Variants in GAREM2 observed in about 807,000 individuals in gnomAD.
The protein encoded by GAREM2 is GRB2 associated regulator of MAPK1 subtype 2, also known as GRB2-associated and regulator of MAPK protein 2.
Under a neutral mutation model 55.6 loss-of-function variants are expected in GAREM2, and 30 were observed. The ratio of observed to expected loss-of-function variants is 0.54; its 90% CI spans 0.40 to 0.73. The LOEUF is 0.73. Among genes scored for constraint, GAREM2 ranks in the 30% least tolerant of loss-of-function variants. GAREM2 has a pLI of 0.00. For missense variants in GAREM2, 1,075 were observed against 1,257.7 expected, an observed-to-expected ratio of 0.85 and a Z score of 2.20; for synonymous variants, 550 against 569.1, an observed-to-expected ratio of 0.97 and a Z score of 0.48.
downstream of GAREM2, chr2:26,191,061 C>G: frequency 1.5e-6 from 1 of 662,402 alleles, no homozygotes; most frequent in Non-Finnish European, 2.7e-6. Context: ...GAAGTGCAAA[C>G]TAATTCGAAG....
Position 26,187,651 on chromosome 2 carries a change from G to T in GAREM2, c.2019G>T (p.Gln673His). The T allele has an allele frequency of 6.5e-7, 1 of 1,540,956 alleles. No homozygotes were observed. ...CCCCAGGCCCAGCCTCGCCAGGCCA[G>T]GCCTATTCAGCTGCTCCCCCCTCCT... ...AYSPGPASPG[Q>H]AYSAAPPSSC... is the part of the protein sequence containing the mutation. Residue 673 changes from glutamine (Q) to histidine (H), a missense_variant, in exon 6 of 6, where the codon CAG (glutamine) becomes CAT (histidine). Gln to His is a conservative substitution (Grantham distance 24, BLOSUM62 0). Coordinates refer to ENST00000401533, the MANE Select transcript of GAREM2 (RefSeq NM_001168241.2).
chr2:26,182,571 G>A, intron 2 of GAREM2: 1 of 1,375,552 alleles, frequency 7.3e-7, no homozygotes. Flanking sequence ...ACTTGTCACG[G>A]CAAGTCAGAG....
In GAREM2 at chr2:26,188,409, A is replaced by G; in HGVS notation, c.*152A>G. ...GTGGATCCAGGGGAGATGCATGTGG[A>G]AATGTGGTCCTCTGGGGTCAGACCC... On this transcript the variant is annotated 3_prime_UTR_variant, in exon 6 of 6. Transcript: ENST00000401533. 1.8e-6 allele frequency: 1 copy of G among 554,310 alleles called. No individual in the cohort carries two copies. Among genetic ancestry groups the G allele is most frequent in the Non-Finnish European group, 3.0e-6 (1 of 335,116 alleles). The allele number at this position is 554,310 out of a possible 1,614,324, so 34.3% of individuals were successfully genotyped here. A position where few individuals can be genotyped will look rare whatever the true frequency, so the allele number is the denominator to read the frequency against.
At position 26,188,048 on chromosome 2, in the gene GAREM2, CT is replaced by C; in HGVS notation, c.2417del (p.Leu806ArgfsTer23). On this transcript the variant is annotated frameshift_variant, in exon 6 of 6. Coordinates refer to ENST00000401533, the MANE Select transcript of GAREM2 (RefSeq NM_001168241.2). LOFTEE classifies it high-confidence loss of function. Reference sequence around the variant, plus strand: ...CTCCTCCTGGCAGCCCCCTGCTGACCTGTCTGCACTCTCCCTGGAGGAGGTC... The same window carrying C: ...CTCCTCCTGGCAGCCCCCTGCTGACCGTCTGCACTCTCCCTGGAGGAGGTC... ...DASSWQPPAD[L>X]SALSLEEVSR... is the part of the protein sequence containing the mutation. 1 of 1,522,058 alleles carries C rather than the reference CT, an allele frequency of 6.6e-7. No individual in the cohort carries two copies. The highest frequency in any genetic ancestry group is 1.2e-5 in the South Asian group (1 of 80,504). The allele number at this position is 1,522,058 out of a possible 1,614,324, so 94.3% of individuals were successfully genotyped here. A position where few individuals can be genotyped will look rare whatever the true frequency, so the allele number is the denominator to read the frequency against.
At chr2:26,199,583 G>A in the GAREM2 span, among the ~76,000 whole-genome samples, 1 of 152,152 alleles carries the variant, frequency 6.6e-6, no homozygotes, top group African/African-American at 2.4e-5. Flanking sequence ...TAGAAGTAGA[G>A]TCTGTTTCCC....
chr2:26,195,249 A>C, the GAREM2 span: 2 of 1,608,744 alleles, frequency 1.2e-6, no homozygotes, highest in Non-Finnish European at 1.7e-6. Flanking sequence ...AGGGGAACCA[A>C]AAGCCAACAG....
Position 26,188,479 on chromosome 2 carries a change from AG to A in GAREM2, c.*226del, listed in dbSNP as rs1456500680. 2.4e-6 allele frequency: 1 copy of A among 412,988 alleles called. No homozygotes were observed. The highest frequency in any genetic ancestry group is 3.6e-5 in the East Asian group (1 of 27,632). The allele number at this position is 412,988 out of a possible 1,614,324, so 25.6% of individuals were successfully genotyped here. A position where few individuals can be genotyped will look rare whatever the true frequency, so the allele number is the denominator to read the frequency against. On this transcript the variant is annotated 3_prime_UTR_variant, in exon 6 of 6. Coordinates refer to ENST00000401533, the MANE Select transcript of GAREM2 (RefSeq NM_001168241.2). ...TTTGAGTGTGCAGAGTACATGGGGA[AG>A]GGGCTGGGGGCACCACTGTGTACCT...
chr2:26,184,812 C>T lies in GAREM2; in HGVS notation c.964C>T (p.Pro322Ser). 1.3e-6 allele frequency: 2 copies of T among 1,490,398 alleles called. No homozygotes were observed. The highest frequency in any genetic ancestry group is 1.3e-5 in the South Asian group (1 of 79,248). The allele number at this position is 1,490,398 out of a possible 1,614,324, so 92.3% of individuals were successfully genotyped here. Residue 322 changes from proline to serine, a missense_variant, in exon 4 of 6, where the codon CCG becomes TCG. By Grantham distance (74) the Pro-to-Ser change is moderately conservative (BLOSUM62 -1). This residue lies in a region of GAREM2 where 170 missense variants were observed against 220.7 expected (regional missense o/e 0.77). Transcript: ENST00000401533. Reference protein sequence around the residue: ...PLHFLLLTDTPRFALPQGLLA... With the variant: ...PLHFLLLTDTSRFALPQGLLA... Reference sequence around the variant, plus strand: ...GCACTTCCTGCTGCTCACGGACACGCCGCGCTTCGCGCTGCCGCAGGGCCT... The same window carrying T: ...GCACTTCCTGCTGCTCACGGACACGTCGCGCTTCGCGCTGCCGCAGGGCCT...
In GAREM2 at chr2:26,187,528, T is replaced by C; in HGVS notation, c.1896T>C (p.Pro632=). ...TTGCTCCGTTTGGAGCTCTCAACCC[T>C]TTTTCCGGGCCTGCCTACCCCTCAG... ...KRFAPFGALN[P]FSGPAYPSGP... is the part of the protein sequence containing the mutation. Residue 632 remains proline, a synonymous_variant, in exon 6 of 6, where the codon CCT becomes CCC. Coordinates refer to ENST00000401533, the MANE Select transcript of GAREM2 (RefSeq NM_001168241.2). The C allele has an allele frequency of 1.3e-6, 2 of 1,531,078 alleles. No individual in the cohort carries two copies. Among genetic ancestry groups the C allele is most frequent in the South Asian group, 1.2e-5 (1 of 80,918 alleles). The allele number at this position is 1,531,078 out of a possible 1,614,324, so 94.8% of individuals were successfully genotyped here.
At chr2:26,202,367 T>C in the GAREM2 span, among the ~76,000 whole-genome samples, 1 of 152,172 alleles carries the variant, frequency 6.6e-6, no homozygotes, top group Non-Finnish European at 1.5e-5. Context: ...AAATGAAGAA[T>C]GAAGCTAAAC....
intron 2 of GAREM2, chr2:26,182,549 A>G (rs147007938): frequency 0.012 from 17,394 of 1,500,506 alleles, 123 homozygotes; most frequent in Non-Finnish European, 0.014. Flanking sequence ...AGAGGCCCAG[A>G]GAGGGAAAGG....
chr2:26,182,200 A>T, intron 2 of GAREM2: 1 of 1,365,418 alleles, frequency 7.3e-7, no homozygotes, highest in Non-Finnish European at 9.4e-7. Flanking sequence ...ACAGACTGGC[A>T]ATCACTTCCG....
At chr2:26,192,332 T>G (rs772346529), downstream of GAREM2, 3 of 1,596,066 alleles carry the variant, frequency 1.9e-6, no homozygotes, top group Non-Finnish European at 2.6e-6. Flanking sequence ...GGAGGCAGCT[T>G]CAGACTCGCT....
downstream of GAREM2, chr2:26,191,763 A>C (rs1553311734): frequency 1.1e-6 from 1 of 884,768 alleles, no homozygotes; most frequent in South Asian, 1.3e-5. Flanking sequence ...CTCAGAGAAG[A>C]TGCTGCCTGG....
At chr2:26,193,877 T>G (rs1669585294), downstream of GAREM2, 3 of 876,074 alleles carry the variant, frequency 3.4e-6, no homozygotes, top group Non-Finnish European at 5.8e-6. Flanking sequence ...AACCCACTTC[T>G]GAGTGTCACC....
At chr2:26,191,735 G>GA, downstream of GAREM2, 3 of 1,153,200 alleles carry the variant, frequency 2.6e-6, no homozygotes, top group South Asian at 3.7e-5. Context: ...GAGCTCTGTG[G>GA]GCCGGTTGGT....
rs1402290537 is a variant in GAREM2 at position 26,179,775 on chromosome 2, C to A, written c.254-3192C>A. ...TGACCGGCGCTGGGCTTCAGGCTGC[C>A]GCGGAGGGGGATGGTGCTGGATGCC... is the stretch of plus-strand genomic sequence containing the variant. On this transcript the variant is annotated intron_variant, in intron 2 of 5. Transcript: ENST00000401533. The surrounding 1 kb of genome is among the most constrained non-coding windows in gnomAD (Gnocchi z 4.7). Among the ~76,000 whole-genome samples, 1 of 152,080 alleles carries A rather than the reference C, an allele frequency of 6.6e-6. No individual in the cohort carries two copies. The highest frequency in any genetic ancestry group is 2.4e-5 in the African/African-American group (1 of 41,420).
chr2:26,202,297 AG>A, the GAREM2 span, among the ~76,000 whole-genome samples: 1 of 152,224 alleles, frequency 6.6e-6, no homozygotes, highest in Non-Finnish European at 1.5e-5. Flanking sequence ...CAAGGGAAAC[AG>A]GTTCTCTTAG....
chr2:26,195,809 A>G, the GAREM2 span, among the ~76,000 whole-genome samples: 1 of 152,156 alleles, frequency 6.6e-6, no homozygotes, highest in Non-Finnish European at 1.5e-5. Flanking sequence ...AGGCCTGCAC[A>G]TTCTCAGGCC....
Sources: allele counts gnomAD v4.1 joint callset (sites outside exome capture counted in the v4.1 genomes callset), GRCh38; gene constraint gnomAD v4.1.1; regional missense constraint gnomAD v4.1.1; non-coding constraint Gnocchi (gnomAD v3.1); transcripts MANE v1.5; gene names NCBI Gene and HGNC (gene_info 2026-07-23, HGNC 2026-07-21).